The following ZNF133 variants were observed in gnomAD, a reference collection of about 807,000 sequenced individuals.
ZNF133 encodes zinc finger protein 133 (clone pHZ-13).
A neutral mutation model predicts 54.9 loss-of-function variants in ZNF133; 26 were observed. That is an observed-to-expected ratio of 0.47 (90% CI 0.35 to 0.66). ZNF133 has a LOEUF of 0.66. ZNF133 is among the 30% of genes least tolerant of loss of function. The probability of loss-of-function intolerance (pLI) is 0.01; values close to 1 mark genes in which losing one functional copy is unlikely to be tolerated. For missense variants in ZNF133, 653 were observed against 820.8 expected, an observed-to-expected ratio of 0.80 and a Z score of 2.50; for synonymous variants, 298 against 320.3, an observed-to-expected ratio of 0.93 and a Z score of 0.74.
At chr20:18,299,817 C>CA (rs1199393324) in intron 3 of ZNF133, among the ~76,000 whole-genome samples, 1 of 152,106 alleles carries the variant, frequency 6.6e-6, no homozygotes. Context: ...AACGAACAAA[C>CA]AAAAAAGCCT....
chr20:18,298,434 T>G lies in ZNF133; in HGVS notation c.-208T>G. 1.4e-6 allele frequency: 1 copy of G among 702,416 alleles called. No individual in the cohort carries two copies. The highest frequency in any genetic ancestry group is 1.8e-6 in the Non-Finnish European group (1 of 552,230). The allele number at this position is 702,416 out of a possible 1,614,324, so 43.5% of individuals were successfully genotyped here. ...GAACTCTGGAGTCTAGTTGAAGGCC[T>G]CCAGTTCCCAGGGGGAAGGAAGCAT... is the stretch of plus-strand genomic sequence containing the variant. On this transcript the variant is annotated 5_prime_UTR_variant, in exon 3 of 7. Transcript: ENST00000425686.
intron 1 of ZNF133, among the ~76,000 whole-genome samples, chr20:18,294,294 G>A (rs1356689765): frequency 6.6e-6 from 1 of 152,132 alleles, no homozygotes; most frequent in Non-Finnish European, 1.5e-5. Flanking sequence ...CCAAAACTGA[G>A]GGATACCCTT....
At chr20:18,309,213 G>A (rs1022883517) in intron 6 of ZNF133, among the ~76,000 whole-genome samples, 3 of 152,136 alleles carry the variant, frequency 2.0e-5, no homozygotes, top group African/African-American at 7.2e-5. Flanking sequence ...TCCAAATACA[G>A]TCACATTAGG....
chr20:18,313,024 TTTAG>T (rs2046465247), intron 6 of ZNF133: 1 of 151,944 alleles, frequency 6.6e-6, no homozygotes, highest in Non-Finnish European at 1.5e-5. Flanking sequence ...TTTTTTTTAA[TTTAG>T]TTATTCTCGA....
Position 18,288,565 on chromosome 20 carries a change from G to T in ZNF133, c.-471G>T, listed in dbSNP as rs1409143337. ...GGCGCCCCGCTGGAGGAGCTCCCCAGCTGGTGGCTGGAGCGACCCCTTGTT... is the reference window on the plus strand; with the variant it reads ...GGCGCCCCGCTGGAGGAGCTCCCCATCTGGTGGCTGGAGCGACCCCTTGTT... On this transcript the variant is annotated 5_prime_UTR_variant, in exon 1 of 7. Coordinates refer to ENST00000425686, the MANE Select transcript of ZNF133 (RefSeq NM_001352452.2). 3 of 398,596 alleles carry T rather than the reference G, an allele frequency of 7.5e-6. No individual in the cohort carries two copies. The highest frequency in any genetic ancestry group is 1.3e-5 in the Non-Finnish European group (3 of 226,138). The allele number at this position is 398,596 out of a possible 1,614,324, so 24.7% of individuals were successfully genotyped here.
chr20:18,294,928 G>C (rs1488474023), intron 1 of ZNF133, among the ~76,000 whole-genome samples: 1 of 152,118 alleles, frequency 6.6e-6, no homozygotes, highest in East Asian at 1.9e-4. Context: ...ATAATTTTCT[G>C]TTTTTGAACT....
At position 18,315,787 on chromosome 20, in the gene ZNF133, C is replaced by T. The variant is rs763224333; in HGVS notation, c.936C>T (p.Asn312=). 1.2e-6 allele frequency: 2 copies of T among 1,614,086 alleles called. No individual in the cohort carries two copies. Among genetic ancestry groups the T allele is most frequent in the Non-Finnish European group, 1.7e-6 (2 of 1,180,000 alleles). ...GGCGAGGCTTCAGCCAGAAGTCAAA[C>T]CTCATCATACACCAGAGGACACACT... ...ECGRGFSQKS[N]LIIHQRTHSG... is the part of the protein sequence containing the mutation. Residue 312 remains asparagine, a synonymous_variant, in exon 7 of 7, where the codon AAC becomes AAT. Coordinates refer to ENST00000425686, the MANE Select transcript of ZNF133 (RefSeq NM_001352452.2).
At chr20:18,291,654 G>A (rs777746518) in intron 1 of ZNF133, among the ~76,000 whole-genome samples, 2 of 151,278 alleles carry the variant, frequency 1.3e-5, no homozygotes, top group South Asian at 4.2e-4. Context: ...CTAGAGCTCT[G>A]TGTGCAACTC....
Position 18,315,089 on chromosome 20 carries a change from T to C in ZNF133, c.238T>C (p.Tyr80His), listed in dbSNP as rs911601239. 6.5e-7 allele frequency: 1 copy of C among 1,541,494 alleles called. No homozygotes were observed. The highest frequency in any genetic ancestry group is 8.7e-7 in the Non-Finnish European group (1 of 1,145,106). Residue 80 changes from tyrosine to histidine, a missense_variant, in exon 7 of 7, where the codon TAC becomes CAC. By Grantham distance (83) the Tyr-to-His change is moderately conservative. Transcript: ENST00000425686. Reference sequence around the variant, plus strand: ...TGCAGCAGATCCAGAGCCAGAGCTCTACCTCGATCCTTTCTGCCCTCCGGG... The same window carrying C: ...TGCAGCAGATCCAGAGCCAGAGCTCCACCTCGATCCTTTCTGCCCTCCGGG... ...TCPADPEPEL[Y>H]LDPFCPPGFS... is the part of the protein sequence containing the mutation.
In ZNF133 at chr20:18,306,657, C is replaced by T. The variant is rs1264467154; in HGVS notation, c.217+264C>T. 6.3e-6 allele frequency: 8 copies of T among 1,264,444 alleles called. No homozygotes were observed. In the South Asian group the frequency reaches 1.2e-4, roughly 18 times the overall value. The allele number at this position is 1,264,444 out of a possible 1,614,324, so 78.3% of individuals were successfully genotyped here. ...TTTCTCCTCTCTAGCTCACTCAGTTCTCTTTCATATATATGGGCTTCTTTC... is the reference window on the plus strand; with the variant it reads ...TTTCTCCTCTCTAGCTCACTCAGTTTTCTTTCATATATATGGGCTTCTTTC... On this transcript the variant is annotated intron_variant, in intron 6 of 6. Transcript: ENST00000425686.
rs546105699 is a variant in ZNF133 at position 18,308,334 on chromosome 20, T to C, written c.217+1941T>C. 4.6e-5 allele frequency among the ~76,000 whole-genome samples: 7 copies of C among 152,310 alleles called. No individual in the cohort carries two copies. In the South Asian group the frequency reaches 1.4e-3, roughly 32 times the overall value. ...ATTCTGTCTTCAAATTGAGGGACCA[T>C]AGCATACATAATATAAATTGTCGCT... On this transcript the variant is annotated intron_variant, in intron 6 of 6. Coordinates refer to ENST00000425686, the MANE Select transcript of ZNF133 (RefSeq NM_001352452.2).
chr20:18,316,219 C>T lies in ZNF133; in HGVS notation c.1368C>T (p.His456=), dbSNP rs146284444. 76 of 1,607,952 alleles carry T rather than the reference C, an allele frequency of 4.7e-5. No individual in the cohort carries two copies. The highest frequency in any genetic ancestry group is 6.1e-5 in the Non-Finnish European group (72 of 1,176,922). The change falls in exon 7 of 7, where the codon CAC becomes CAT. Residue 456 remains histidine, a synonymous_variant. Coordinates refer to ENST00000425686, the MANE Select transcript of ZNF133 (RefSeq NM_001352452.2). Reference sequence around the variant, plus strand: ...GTCTCAAGTCACACCTCAACAGACACCAGAACATACACTCAGGAGAGAAGC... The same window carrying T: ...GTCTCAAGTCACACCTCAACAGACATCAGAACATACACTCAGGAGAGAAGC... The part of the protein sequence containing the change: ...GFSLKSHLNR[H]QNIHSGEKPI...
At chr20:18,314,296 A>G (rs528978426) in intron 6 of ZNF133, 1 of 152,298 alleles carries the variant, frequency 6.6e-6, no homozygotes, top group African/African-American at 2.4e-5. Context: ...TGATAAAACA[A>G]TATACTCAAT....
intron 1 of ZNF133, chr20:18,295,131 T>C (rs1217592772): frequency 6.6e-6 from 1 of 152,240 alleles, no homozygotes; most frequent in African/African-American, 2.4e-5. Context: ...TACACGTTTA[T>C]TTATATAAAG....
chr20:18,293,937 T>G (rs2263696), intron 1 of ZNF133, among the ~76,000 whole-genome samples: 1 of 152,252 alleles, frequency 6.6e-6, no homozygotes, highest in Non-Finnish European at 1.5e-5. Context: ...GAAAAAGAAC[T>G]TTGTCATTTG....
At position 18,305,637 on chromosome 20, in the gene ZNF133, C is replaced by T; in HGVS notation, c.-6-44C>T. 6.2e-7 allele frequency: 1 copy of T among 1,613,506 alleles called. No homozygotes were observed. Among genetic ancestry groups the T allele is most frequent in the Non-Finnish European group, 8.5e-7 (1 of 1,179,932 alleles). On this transcript the variant is annotated intron_variant, in intron 4 of 6. Transcript: ENST00000425686. The surrounding 1 kb of genome is among the most constrained non-coding windows in gnomAD (Gnocchi z 4.7). Reference sequence around the variant, plus strand: ...TCCCTGCCCCTCACCCTGCCATGGGCAAGGCTGGCTTCTGAGTGAGCAGGG... The same window carrying T: ...TCCCTGCCCCTCACCCTGCCATGGGTAAGGCTGGCTTCTGAGTGAGCAGGG...
Position 18,297,984 on chromosome 20 carries a change from G to T in ZNF133, c.-431-1G>T, listed in dbSNP as rs1468223712. 2.4e-5 allele frequency: 37 copies of T among 1,517,102 alleles called. No individual in the cohort carries two copies. Among genetic ancestry groups the T allele is most frequent in the Non-Finnish European group, 2.9e-5 (33 of 1,133,638 alleles). 94.0% of individuals were successfully genotyped at this position (1,517,102 alleles called of 1,614,324 possible). ...CTCCCATTTCTGTTTTCCTTACCCA[G>T]ATCTACCTTCTGAGATATCATCCTT... On this transcript the variant is annotated splice_acceptor_variant, in intron 1 of 6. Coordinates refer to ENST00000425686, the MANE Select transcript of ZNF133 (RefSeq NM_001352452.2). LOFTEE classifies it low-confidence loss of function (5UTR_SPLICE).
At chr20:18,295,579 A>T (rs916345019) in intron 1 of ZNF133, 3 of 152,262 alleles carry the variant, frequency 2.0e-5, no homozygotes, top group East Asian at 3.9e-4. Flanking sequence ...TTATGCTTTC[A>T]TCTTTATTAA....
chr20:18,305,945 G>A lies in ZNF133; in HGVS notation c.121+138G>A. On this transcript the variant is annotated intron_variant, in intron 5 of 6. Transcript: ENST00000425686. This position sits in a 1 kb window ranked among gnomAD's most constrained non-coding sequence, Gnocchi z 4.7. ...TACATTTTATTCGTGTTTCCCCAGGGAGGGTCTGATTTTGCAGAGTGGAAA... is the reference window on the plus strand; with the variant it reads ...TACATTTTATTCGTGTTTCCCCAGGAAGGGTCTGATTTTGCAGAGTGGAAA... The A allele has an allele frequency of 8.4e-7, 1 of 1,194,528 alleles. No individual in the cohort carries two copies. The highest frequency in any genetic ancestry group is 1.2e-6 in the Non-Finnish European group (1 of 866,206). 74.0% of individuals were successfully genotyped at this position (1,194,528 alleles called of 1,614,324 possible).
Sources: gnomAD v4.1 joint callset for allele counts (sites outside exome capture counted in the v4.1 genomes callset) on GRCh38, gnomAD v4.1.1 for gene constraint, Gnocchi (gnomAD v3.1) non-coding constraint, MANE v1.5 for transcripts, NCBI Gene and HGNC (gene_info 2026-07-23, HGNC 2026-07-21) for gene names.